Variants in SOX5 observed in about 807,000 individuals in gnomAD.
SOX5 encodes the protein transcription factor SOX-5.
Under a neutral mutation model 92.0 loss-of-function variants are expected in SOX5, and 9 were observed. The ratio of observed to expected loss-of-function variants is 0.10; its 90% confidence interval spans 0.06 to 0.17. The LOEUF (loss-of-function observed/expected upper bound fraction) is 0.17. Ranked by LOEUF, SOX5 falls within the 10% of genes least tolerant of loss-of-function variation. The pLI is 1.00. For missense variants in SOX5, 642 were observed against 944.5 expected, an observed-to-expected ratio of 0.68 and a Z score of 4.20; for synonymous variants, 344 against 336.3, an observed-to-expected ratio of 1.02 and a Z score of -0.25.
At chr12:23,923,162 G>A (rs1245325718) in intron 1 of SOX5, among the ~76,000 whole-genome samples, 1 of 152,046 alleles carries the variant, frequency 6.6e-6, no homozygotes, top group African/African-American at 2.4e-5. Flanking sequence ...AGCCAGGATG[G>A]TCTCAATCTC....
chr12:23,771,045 C>A (rs34177769), intron 3 of SOX5, among the ~76,000 whole-genome samples: 15,336 of 151,906 alleles, frequency 0.1, 912 homozygotes, highest in Non-Finnish European at 0.13. Context: ...CTCAAAAATC[C>A]ATTTTTGTGA....
At chr12:23,824,990 T>C (rs974976159) in intron 3 of SOX5, among the ~76,000 whole-genome samples, 1 of 152,088 alleles carries the variant, frequency 6.6e-6, no homozygotes, top group African/African-American at 2.4e-5. Context: ...GTGCTGACAG[T>C]GAGAATTAGA....
chr12:24,268,367 A>G (rs1565791314), intron 3 of SOX5, among the ~76,000 whole-genome samples: 1 of 152,168 alleles, frequency 6.6e-6, no homozygotes, highest in Non-Finnish European at 1.5e-5. Flanking sequence ...CCTGCTTTGC[A>G]TGGTGTTTTA....
intron 1 of SOX5, among the ~76,000 whole-genome samples, chr12:24,416,152 C>T (rs961584905): frequency 4.6e-5 from 7 of 152,188 alleles, no homozygotes; most frequent in African/African-American, 1.7e-4. Context: ...CAAGCAAGAG[C>T]GGGGCAGGCC....
At chr12:23,918,933 A>AG (rs1254602322) in intron 1 of SOX5, among the ~76,000 whole-genome samples, 1 of 151,662 alleles carries the variant, frequency 6.6e-6, no homozygotes, top group African/African-American at 2.4e-5. Context: ...AAGAAAAAAA[A>AG]AGAAAGAAAG....
intron 1 of SOX5, among the ~76,000 whole-genome samples, chr12:24,434,592 G>A (rs1162053960): frequency 6.6e-6 from 1 of 152,162 alleles, no homozygotes; most frequent in African/African-American, 2.4e-5. Flanking sequence ...GGTGGGAGGT[G>A]ATTGGATCAT....
At chr12:24,510,526 C>T (rs1178826794) in intron 1 of SOX5, among the ~76,000 whole-genome samples, 3 of 152,058 alleles carry the variant, frequency 2.0e-5, no homozygotes, top group Admixed American at 6.5e-5. Flanking sequence ...AATAACCAGA[C>T]AGGAAGTAAA....
intron 8 of SOX5, among the ~76,000 whole-genome samples, chr12:23,623,566 A>C (rs924439910): frequency 6.6e-6 from 1 of 152,120 alleles, no homozygotes; most frequent in Non-Finnish European, 1.5e-5. Context: ...AAGAAATATA[A>C]AAGACCTACC....
At chr12:23,679,800 A>T (rs2086289123) in intron 6 of SOX5, among the ~76,000 whole-genome samples, 1 of 152,216 alleles carries the variant, frequency 6.6e-6, no homozygotes, top group South Asian at 2.1e-4. Flanking sequence ...TTTAACAAAT[A>T]TTTAATACAT....
chr12:23,795,688 GC>G (rs2095550267), intron 3 of SOX5, among the ~76,000 whole-genome samples: 1 of 152,108 alleles, frequency 6.6e-6, no homozygotes, highest in Admixed American at 6.6e-5. Context: ...GACTAGCCAG[GC>G]AACAGAGCCT....
chr12:24,379,484 T>C (rs1335909016), intron 1 of SOX5, among the ~76,000 whole-genome samples: 1 of 152,220 alleles, frequency 6.6e-6, no homozygotes, highest in Non-Finnish European at 1.5e-5. Flanking sequence ...AGGCACCTGA[T>C]CTAATCCAAG....
At chr12:24,454,605 C>T (rs532227916) in intron 1 of SOX5, among the ~76,000 whole-genome samples, 1 of 152,268 alleles carries the variant, frequency 6.6e-6, no homozygotes, top group Admixed American at 6.5e-5. Flanking sequence ...CATTGACCCT[C>T]CATCTTTGGA....
intron 10 of SOX5, among the ~76,000 whole-genome samples, chr12:23,565,979 C>T (rs1325470697): frequency 7.2e-5 from 11 of 152,200 alleles, no homozygotes; most frequent in Non-Finnish European, 1.2e-4. Context: ...TGACCCTACC[C>T]TCACTCTTAC....
intron 4 of SOX5, among the ~76,000 whole-genome samples, chr12:24,010,947 A>T (rs1406667413): frequency 6.6e-6 from 1 of 152,162 alleles, no homozygotes; most frequent in South Asian, 2.1e-4. Flanking sequence ...TCCAAAAAAA[A>T]AAAAAGAATA....
intron 7 of SOX5, among the ~76,000 whole-genome samples, chr12:23,649,732 A>C (rs1002225406): frequency 6.6e-6 from 1 of 152,126 alleles, no homozygotes; most frequent in Non-Finnish European, 1.5e-5. Context: ...AAAGCATTCA[A>C]TTGCATCATT....
At chr12:24,411,937 G>C (rs1034555289) in intron 1 of SOX5, among the ~76,000 whole-genome samples, 10 of 152,046 alleles carry the variant, frequency 6.6e-5, no homozygotes, top group African/African-American at 2.4e-4. Flanking sequence ...TGTTAAGTTA[G>C]GGATTAAATT....
intron 1 of SOX5, among the ~76,000 whole-genome samples, chr12:24,537,149 T>C (rs1409417939): frequency 6.6e-6 from 1 of 152,214 alleles, no homozygotes; most frequent in Non-Finnish European, 1.5e-5. Context: ...CTGCTCTTTA[T>C]TGAATAAATA....
At position 23,530,401 on chromosome 12, in the gene SOX5, A is replaced by G. The variant is rs1199040368; in HGVS notation, c.*3818T>C. 1 of 152,240 alleles carries G rather than the reference A, an allele frequency of 6.6e-6. No homozygotes were observed. The highest frequency in any genetic ancestry group is 2.4e-5 in the African/African-American group (1 of 41,460). The allele number at this position is 152,240 out of a possible 1,614,324, so 9.4% of individuals were successfully genotyped here. ...TGGTTAATTTTCTTTAAGTGAATTAAGGTAAAATTCTACTCCGGAAATCAA... is the reference window on the plus strand; with the variant it reads ...TGGTTAATTTTCTTTAAGTGAATTAGGGTAAAATTCTACTCCGGAAATCAA... On this transcript the variant is annotated 3_prime_UTR_variant, in exon 15 of 15. Transcript: ENST00000451604.
At chr12:23,950,293 C>T (rs1945406688), upstream of SOX5, among the ~76,000 whole-genome samples, 2 of 151,934 alleles carry the variant, frequency 1.3e-5, no homozygotes, top group African/African-American at 4.8e-5. Flanking sequence ...CACACACACA[C>T]AACAATCAGG....
Sources: allele counts gnomAD v4.1 joint callset (sites outside exome capture counted in the v4.1 genomes callset), GRCh38; gene constraint gnomAD v4.1.1; transcripts MANE v1.5; gene names NCBI Gene and HGNC (gene_info 2026-07-23, HGNC 2026-07-21).